The following EGFR variants were observed in gnomAD, a reference collection of about 807,000 sequenced individuals.
The protein encoded by EGFR is avian erythroblastic leukemia viral (v-erb-b) oncogene homolog.
Under a neutral mutation model 143.0 loss-of-function variants are expected in EGFR, and 58 were observed. The observed-to-expected ratio is 0.41, with a 90% CI of 0.33 to 0.50. EGFR has a LOEUF of 0.50. EGFR is among the 20% of genes least tolerant of loss of function. The pLI is 0.39. For synonymous variants in EGFR, 613 were observed against 594.4 expected, an observed-to-expected ratio of 1.03 and a Z score of -0.45; for missense variants, 1,307 against 1,579.0, an observed-to-expected ratio of 0.83 and a Z score of 2.92.
At chr7:55,050,818 T>C (rs1020379224) in intron 1 of EGFR, among the ~76,000 whole-genome samples, 4 of 152,086 alleles carry the variant, frequency 2.6e-5, no homozygotes, top group Non-Finnish European at 5.9e-5. Flanking sequence ...TTTCAAAAAA[T>C]AAAAAACCCA....
intron 1 of EGFR, among the ~76,000 whole-genome samples, chr7:55,022,430 G>A (rs1786627124): frequency 6.6e-6 from 1 of 152,140 alleles, no homozygotes; most frequent in Admixed American, 6.5e-5. Context: ...CCTCAAAGGA[G>A]GTCAGATCAA....
chr7:55,163,555 A>G (rs1785810635), intron 13 of EGFR, among the ~76,000 whole-genome samples, 178 bp from the exon 14 acceptor site: 1 of 152,232 alleles, frequency 6.6e-6, no homozygotes, highest in Admixed American at 6.5e-5. Flanking sequence ...GTGTTTACTC[A>G]GAGAGAAGAT....
At chr7:55,154,226 G>A (rs2128935378) in intron 7 of EGFR, 74 bp downstream of exon 7, 3 of 1,608,326 alleles carry the variant, frequency 1.9e-6, no homozygotes, top group Non-Finnish European at 1.7e-6. Context: ...GAGCCCTGGA[G>A]TATCCCATCT....
At chr7:55,034,014 T>C (rs1185223127) in intron 1 of EGFR, among the ~76,000 whole-genome samples, 1 of 152,142 alleles carries the variant, frequency 6.6e-6, no homozygotes, top group African/African-American at 2.4e-5. Context: ...TTCTCCCCCA[T>C]CATCACTAAA....
At chr7:55,057,507 TAA>T (rs1788900097) in intron 1 of EGFR, among the ~76,000 whole-genome samples, 1 of 152,224 alleles carries the variant, frequency 6.6e-6, no homozygotes, top group African/African-American at 2.4e-5. Flanking sequence ...TCAAGAAACC[TAA>T]GACTTTTGGC....
At chr7:55,199,266 A>T (rs1280193231) in intron 23 of EGFR, among the ~76,000 whole-genome samples, 1 of 152,222 alleles carries the variant, frequency 6.6e-6, no homozygotes, top group Non-Finnish European at 1.5e-5. Context: ...TTCTGCTTTG[A>T]CTTAAACCTT....
rs148966706 is a variant in EGFR, at chr7:55,206,229, T to C, written c.*612T>C. The C allele has an allele frequency of 2.6e-4, 61 of 237,420 alleles. No homozygotes were observed. Among genetic ancestry groups the C allele is most frequent in the African/African-American group, 1.3e-3 (58 of 45,482 alleles). The allele number at this position is 237,420 out of a possible 1,614,324, so 14.7% of individuals were successfully genotyped here. A position where few individuals can be genotyped will look rare whatever the true frequency, so the allele number is the denominator to read the frequency against. On this transcript the variant is annotated 3_prime_UTR_variant, in exon 28 of 28. Transcript: ENST00000275493. ...TAGGATAAGCCACTCTGTCCCTTCC[T>C]GGGCAAAGAAGAAACGGAGGGGATG...
chr7:55,063,976 TA>T (rs1256813044), intron 1 of EGFR, among the ~76,000 whole-genome samples: 4 of 152,302 alleles, frequency 2.6e-5, no homozygotes, highest in Admixed American at 1.3e-4. Flanking sequence ...AAAATCTAAT[TA>T]AAAAAATTAT....
chr7:55,174,063 C>T lies in EGFR; in HGVS notation c.2184+20C>T, dbSNP rs779251693. 26 of 1,614,034 alleles carry T rather than the reference C, an allele frequency of 1.6e-5. No individual in the cohort carries two copies. Among genetic ancestry groups the T allele is most frequent in the African/African-American group, 4.0e-5 (3 of 74,952 alleles). On this transcript the variant is annotated intron_variant, in intron 18 of 27. Coordinates refer to ENST00000275493, the MANE Select transcript of EGFR (RefSeq NM_005228.5). Reference sequence around the variant, plus strand: ...TATAAGGTAAGGTCCCTGGCACAGGCCTCTGGGCTGGGCCGCAGGGCCTCT... The same window carrying T: ...TATAAGGTAAGGTCCCTGGCACAGGTCTCTGGGCTGGGCCGCAGGGCCTCT...
chr7:55,079,875 G>A (rs1264645602), intron 1 of EGFR, among the ~76,000 whole-genome samples: 1 of 152,228 alleles, frequency 6.6e-6, no homozygotes, highest in Non-Finnish European at 1.5e-5. Context: ...TATGTGCTGA[G>A]CATTCCTTAT....
intron 1 of EGFR, among the ~76,000 whole-genome samples, chr7:55,130,088 T>C (rs1224684590): frequency 1.3e-5 from 2 of 152,186 alleles, no homozygotes; most frequent in African/African-American, 2.4e-5. Context: ...ATTTACTCTC[T>C]GGCTGTATTC....
intron 1 of EGFR, among the ~76,000 whole-genome samples, chr7:55,070,851 G>GA (rs1189052732): frequency 6.6e-6 from 1 of 152,170 alleles, no homozygotes; most frequent in African/African-American, 2.4e-5. Context: ...TACCAGTCTT[G>GA]AAAAAGGAAA....
chr7:55,155,383 A>C lies in EGFR; in HGVS notation c.890-447A>C, dbSNP rs570650626. ...CTTTAACCCAGGAGGCGGAGGTTGC[A>C]GTGAGCTGAGATCACACCACTGCAC... On this transcript the variant is annotated intron_variant, in intron 7 of 27. Transcript: ENST00000275493. 6.6e-5 allele frequency among the ~76,000 whole-genome samples: 10 copies of C among 152,378 alleles called. No homozygotes were observed. The Middle Eastern group carries it at 0.01, about 155-fold the overall frequency.
rs2128932472 is a variant in EGFR at position 55,151,304 on chromosome 7, T to C, written c.570T>C (p.Cys190=). 1.2e-6 allele frequency: 2 copies of C among 1,614,196 alleles called. No homozygotes were observed. Among genetic ancestry groups the C allele is most frequent in the South Asian group, 1.1e-5 (1 of 91,092 alleles). ...ACTTTTACATTTCAGGCCAAAAGTG[T>C]GATCCAAGCTGTCCCAATGGGAGCT... ...FQNHLGSCQK[C]DPSCPNGSCW... Residue 190 remains cysteine (C), a synonymous_variant, in exon 5 of 28, where the codon TGT becomes TGC. Coordinates refer to ENST00000275493, the MANE Select transcript of EGFR (RefSeq NM_005228.5).
At chr7:55,062,800 G>A (rs1301122631) in intron 1 of EGFR, among the ~76,000 whole-genome samples, 1 of 152,026 alleles carries the variant, frequency 6.6e-6, no homozygotes, top group Non-Finnish European at 1.5e-5. Flanking sequence ...GTGCTGCTGT[G>A]CTCTGAACTT....
rs911565067 is a variant in EGFR, at chr7:55,098,427, C to A, written c.89-43859C>A. 2.6e-5 allele frequency among the ~76,000 whole-genome samples: 4 copies of A among 152,134 alleles called. No homozygotes were observed. The East Asian group carries it at 7.7e-4, about 29-fold the overall frequency. ...TGGCAACTCCATAGAATGAAATACT[C>A]TTCAGCCAGTAAAATGTATTTTTGG... is the stretch of plus-strand genomic sequence containing the variant. On this transcript the variant is annotated intron_variant, in intron 1 of 27. Transcript: ENST00000275493.
chr7:55,179,500 T>TG (rs1786759055), intron 19 of EGFR, among the ~76,000 whole-genome samples: 1 of 151,940 alleles, frequency 6.6e-6, no homozygotes. Context: ...GGGACAGAGG[T>TG]TCTCCCGTGG....
intron 1 of EGFR, among the ~76,000 whole-genome samples, chr7:55,038,791 T>G (rs988818050): frequency 3.9e-5 from 6 of 152,148 alleles, no homozygotes; most frequent in African/African-American, 1.4e-4. Flanking sequence ...ATTATTATTT[T>G]AAATAGCCAC....
intron 1 of EGFR, among the ~76,000 whole-genome samples, chr7:55,020,987 A>G (rs1786534144): frequency 6.6e-6 from 1 of 152,008 alleles, no homozygotes; most frequent in Admixed American, 6.5e-5. Flanking sequence ...ATTTTTTTTA[A>G]TGCTCTTCAT....
Sources: gnomAD v4.1 joint callset for allele counts (sites outside exome capture counted in the v4.1 genomes callset) on GRCh38, gnomAD v4.1.1 for gene constraint, MANE v1.5 for transcripts, NCBI Gene and HGNC (gene_info 2026-07-23, HGNC 2026-07-21) for gene names.